The following DNAJC5 variants were observed in gnomAD, a reference collection of about 807,000 sequenced individuals.
DNAJC5 encodes the protein dnaJ homolog subfamily C member 5.
In DNAJC5, 1 loss-of-function variant was observed where a neutral mutation model predicts 23.2. The ratio of observed to expected loss-of-function variants is 0.04; its 90% CI spans 0.02 to 0.20. The LOEUF (loss-of-function observed/expected upper bound fraction) is 0.20, where lower values mean the gene tolerates loss of function less well. Among genes scored for constraint, DNAJC5 ranks in the 10% least tolerant of loss-of-function variants. The probability of loss-of-function intolerance (pLI) is 1.00; values close to 1 mark genes in which losing one functional copy is unlikely to be tolerated. For missense variants in DNAJC5, 180 were observed against 267.0 expected (o/e 0.67, Z 2.27); for synonymous variants, 136 against 120.0 (o/e 1.13, Z -0.87).
At chr20:63,901,125 C>A (rs2053408638) in intron 1 of DNAJC5, among the ~76,000 whole-genome samples, 1 of 152,214 alleles carries the variant, frequency 6.6e-6, no homozygotes, top group South Asian at 2.1e-4. Context: ...CCACCACGCC[C>A]AGCTAATTTT....
intron 1 of DNAJC5, among the ~76,000 whole-genome samples, chr20:63,923,407 A>T (rs914408785): frequency 6.6e-6 from 1 of 151,574 alleles, no homozygotes; most frequent in African/African-American, 2.4e-5. Context: ...GCACCACTGC[A>T]CTCCAGCCTG....
chr20:63,925,883 A>G lies in DNAJC5; in HGVS notation c.-11-2452A>G, dbSNP rs56296479. ...CGCTGTGTCGCCCAGGCTGGAGTGC[A>G]GTGGTGCGATCTCTGCTCACTGCAA... On this transcript the variant is annotated intron_variant, in intron 1 of 4. Coordinates refer to ENST00000360864, the MANE Select transcript of DNAJC5 (RefSeq NM_025219.3). Among the ~76,000 whole-genome samples, 57 of 138,548 alleles carry G rather than the reference A, an allele frequency of 4.1e-4. 2 individuals carry two copies. In the East Asian group the frequency reaches 0.012, roughly 28 times the overall value. 90.9% of individuals were successfully genotyped at this position (138,548 alleles called of 152,430 possible).
chr20:63,926,775 G>A (rs1420102029), intron 1 of DNAJC5, among the ~76,000 whole-genome samples: 1 of 152,178 alleles, frequency 6.6e-6, no homozygotes, highest in African/African-American at 2.4e-5. Context: ...ACAGGGCAGC[G>A]CAGTTGGCTT....
intron 1 of DNAJC5, among the ~76,000 whole-genome samples, chr20:63,904,657 C>G (rs759497312): frequency 1.5e-4 from 23 of 152,202 alleles, no homozygotes; most frequent in Non-Finnish European, 1.3e-4. Flanking sequence ...TAATGCTGTT[C>G]CTACAGCAGC....
intron 1 of DNAJC5, among the ~76,000 whole-genome samples, chr20:63,911,563 C>T (rs2053482973): frequency 6.6e-6 from 1 of 152,172 alleles, no homozygotes; most frequent in Non-Finnish European, 1.5e-5. Context: ...TTTATTTTCT[C>T]TTGCTGTTCT....
chr20:63,929,057 G>C lies in DNAJC5; in HGVS notation c.108-255G>C, dbSNP rs1017969154. Among the ~76,000 whole-genome samples the C allele has an allele frequency of 2.0e-5, 3 of 152,262 alleles. No individual in the cohort carries two copies. The highest frequency in any genetic ancestry group is 2.9e-5 in the Non-Finnish European group (2 of 68,040). The stretch of plus-strand genomic sequence containing the variant: ...GCTGGCCTTGGTGCCGCTGAACTTA[G>C]ATGTGCCGTGGCACTCACAGCCCTT... On this transcript the variant is annotated intron_variant, in intron 2 of 4. Coordinates refer to ENST00000360864, the MANE Select transcript of DNAJC5 (RefSeq NM_025219.3). The surrounding 1 kb of genome is among the most constrained non-coding windows in gnomAD (Gnocchi z 8.6).
chr20:63,907,439 C>T (rs1373625282), intron 1 of DNAJC5, among the ~76,000 whole-genome samples: 2 of 152,182 alleles, frequency 1.3e-5, no homozygotes, highest in East Asian at 3.8e-4. Context: ...CCAGACATAC[C>T]TTGCTGGACT....
chr20:63,912,296 C>T lies in DNAJC5; in HGVS notation c.-11-16039C>T, dbSNP rs8183934. On this transcript the variant is annotated intron_variant, in intron 1 of 4. Transcript: ENST00000360864. ...CCAGCGTGGGCGACAGAGTGAGAAT[C>T]GGTCTCCAAAAAAAAAAAAAAAAGA... Among the ~76,000 whole-genome samples the T allele has an allele frequency of 7.7e-3, 1,119 of 145,568 alleles. 92 individuals carry two copies. The East Asian group carries it at 0.19, about 25-fold the overall frequency.
chr20:63,899,782 G>C lies in DNAJC5; in HGVS notation c.-12+4459G>C, dbSNP rs542070101. On this transcript the variant is annotated intron_variant, in intron 1 of 4. Transcript: ENST00000360864. The stretch of plus-strand genomic sequence containing the variant: ...ATTTTTAGTAGAGACAGGGTTTCGC[G>C]GTGTTAGCCAGGATGGTCTCGATCT... Among the ~76,000 whole-genome samples, 92 of 151,790 alleles carry C rather than the reference G, an allele frequency of 6.1e-4. 1 individual carries two copies. Among genetic ancestry groups the C allele is most frequent in the East Asian group, 3.1e-3 (16 of 5,162 alleles).
chr20:63,922,658 T>TG (rs2053582294), intron 1 of DNAJC5, among the ~76,000 whole-genome samples: 3 of 151,972 alleles, frequency 2.0e-5, no homozygotes, highest in African/African-American at 7.3e-5. Flanking sequence ...TAGTCCCACC[T>TG]ATTCAGGAGG....
chr20:63,932,027 GGGTCT>G lies in DNAJC5; in HGVS notation c.*464_*468del, dbSNP rs2053677482. On this transcript the variant is annotated 3_prime_UTR_variant, in exon 5 of 5. Coordinates refer to ENST00000360864, the MANE Select transcript of DNAJC5 (RefSeq NM_025219.3). This position sits in a 1 kb window ranked among gnomAD's most constrained non-coding sequence, Gnocchi z 4.4. ...GAGCTGTGTTACCGTCTTGGCCTCGGGGTCTGGTCCACACTCTGTGCTCCCAGCCT... is the reference window on the plus strand; with the variant it reads ...GAGCTGTGTTACCGTCTTGGCCTCGGGGTCCACACTCTGTGCTCCCAGCCT... The G allele has an allele frequency of 6.3e-6, 2 of 315,868 alleles. No homozygotes were observed. The highest frequency in any genetic ancestry group is 1.2e-5 in the Non-Finnish European group (2 of 160,932). The allele number at this position is 315,868 out of a possible 1,614,324, so 19.6% of individuals were successfully genotyped here.
intron 1 of DNAJC5, among the ~76,000 whole-genome samples, chr20:63,899,927 C>A (rs535315769): frequency 5.8e-4 from 79 of 136,054 alleles, no homozygotes; most frequent in African/African-American, 2.2e-3. Flanking sequence ...CTCACTCTGT[C>A]ACCCAGGCTT....
chr20:63,896,169 C>T (rs561756360), intron 1 of DNAJC5, among the ~76,000 whole-genome samples: 62 of 152,326 alleles, frequency 4.1e-4, no homozygotes, highest in Admixed American at 1.2e-3. Context: ...AAAACAGTTA[C>T]ATTGCTCCCA....
chr20:63,924,472 G>A (rs910496412), intron 1 of DNAJC5, among the ~76,000 whole-genome samples: 1 of 152,096 alleles, frequency 6.6e-6, no homozygotes, highest in African/African-American at 2.4e-5. Context: ...CTGCAGCCTC[G>A]AGCTTCTGGG....
chr20:63,916,298 A>C (rs547952470), intron 1 of DNAJC5, among the ~76,000 whole-genome samples: 53 of 152,320 alleles, frequency 3.5e-4, no homozygotes, highest in African/African-American at 1.2e-3. Context: ...TCTATTTTCC[A>C]TAAGTGTCGG....
intron 1 of DNAJC5, among the ~76,000 whole-genome samples, chr20:63,914,440 G>C (rs981185679): frequency 2.0e-5 from 3 of 151,636 alleles, no homozygotes; most frequent in Non-Finnish European, 4.4e-5. Context: ...TCAGTCTTCC[G>C]AGTCGCTGGG....
chr20:63,904,172 T>A (rs777305815), intron 1 of DNAJC5, among the ~76,000 whole-genome samples: 4 of 152,186 alleles, frequency 2.6e-5, no homozygotes, highest in Non-Finnish European at 5.9e-5. Context: ...AGGACAGCCA[T>A]GCAGGGTGGG....
In DNAJC5 at chr20:63,920,998, T is replaced by C. The variant is rs151294988; in HGVS notation, c.-11-7337T>C. ...TTTTGAGACGGAGTTTCACTATTGT[T>C]ACGCAGACTGGAGTGCAACGGCACG... On this transcript the variant is annotated intron_variant, in intron 1 of 4. Coordinates refer to ENST00000360864, the MANE Select transcript of DNAJC5 (RefSeq NM_025219.3). This position sits in a 1 kb window ranked among gnomAD's most constrained non-coding sequence, Gnocchi z 4.6. 2.1e-4 allele frequency among the ~76,000 whole-genome samples: 32 copies of C among 151,568 alleles called. No homozygotes were observed. The highest frequency in any genetic ancestry group is 7.7e-4 in the African/African-American group (32 of 41,302).
intron 1 of DNAJC5, among the ~76,000 whole-genome samples, chr20:63,918,235 A>G (rs553610821): frequency 6.6e-6 from 1 of 152,306 alleles, no homozygotes; most frequent in Non-Finnish European, 1.5e-5. Flanking sequence ...AAGCAGATCA[A>G]GCCAGGCACG....
Sources: allele counts gnomAD v4.1 joint callset (sites outside exome capture counted in the v4.1 genomes callset), GRCh38; gene constraint gnomAD v4.1.1; non-coding constraint Gnocchi (gnomAD v3.1); transcripts MANE v1.5; gene names NCBI Gene and HGNC (gene_info 2026-07-23, HGNC 2026-07-21).